The following CCDC178 variants were observed in gnomAD, a reference collection of about 807,000 sequenced individuals.
CCDC178 encodes the protein coiled-coil domain containing 178.
CCDC178 carries 126 observed loss-of-function variants against 117.4 expected under a neutral mutation model. The observed-to-expected ratio is 1.07, with a 90% confidence interval of 0.93 to 1.24. CCDC178 has a LOEUF of 1.24. Ranked by LOEUF, CCDC178 falls within the 50% of genes most tolerant of loss-of-function variation. CCDC178 has a pLI of 0.00. For synonymous variants in CCDC178, 283 were observed against 313.4 expected, an observed-to-expected ratio of 0.90 and a Z score of 1.02; for missense variants, 1,030 against 986.9, an observed-to-expected ratio of 1.04 and a Z score of -0.59.
intron 20 of CCDC178, among the ~76,000 whole-genome samples, chr18:33,112,807 T>C (rs271559): frequency 0.16 from 24,285 of 151,770 alleles, 2,725 homozygotes; most frequent in African/African-American, 0.32. Context: ...ACCACACGTA[T>C]TTATGTCCAA....
At chr18:33,421,100 C>A (rs2064018645) in intron 2 of CCDC178, among the ~76,000 whole-genome samples, 1 of 152,106 alleles carries the variant, frequency 6.6e-6, no homozygotes, top group Admixed American at 6.6e-5. Flanking sequence ...CTATAATTAA[C>A]TGAAGGAATG....
intron 20 of CCDC178, among the ~76,000 whole-genome samples, chr18:33,094,218 C>T (rs949513246): frequency 5.3e-5 from 8 of 151,954 alleles, no homozygotes; most frequent in Non-Finnish European, 1.2e-4. Flanking sequence ...TTTAAATGCC[C>T]TTGTCTTAAT....
intron 20 of CCDC178, among the ~76,000 whole-genome samples, chr18:33,156,641 C>CAAAAAAAAAAAAAAAA (rs35712594): frequency 4.0e-5 from 4 of 99,268 alleles, no homozygotes; most frequent in Admixed American, 1.2e-4. Context: ...TCCTCCCTCT[C>CAAAAAAAAAAAAAAAA]AAAAAAAAAA....
At chr18:33,173,975 C>T (rs1246007869) in intron 20 of CCDC178, among the ~76,000 whole-genome samples, 2 of 152,122 alleles carry the variant, frequency 1.3e-5, no homozygotes, top group Admixed American at 6.5e-5. Context: ...TTGTGTTAGG[C>T]CATTCTTGCA....
chr18:33,303,496 T>C (rs2062206953), intron 11 of CCDC178, among the ~76,000 whole-genome samples: 1 of 152,084 alleles, frequency 6.6e-6, no homozygotes, highest in African/African-American at 2.4e-5. Flanking sequence ...GATCTTTGGG[T>C]GATAATGATG....
chr18:33,354,640 T>C (rs1341135402), intron 7 of CCDC178, among the ~76,000 whole-genome samples: 11 of 149,224 alleles, frequency 7.4e-5, no homozygotes, highest in African/African-American at 2.7e-4. Context: ...AGACAGAGTC[T>C]CACTCTGTCG....
In CCDC178 at chr18:33,266,975, C is replaced by T. The variant is rs369246083; in HGVS notation, c.1350G>A (p.Thr450=). 1.1e-4 allele frequency: 173 copies of T among 1,596,140 alleles called. No individual in the cohort carries two copies. The highest frequency in any genetic ancestry group is 2.7e-4 in the Admixed American group (15 of 56,228). The change falls in exon 14 of 23, where the codon ACG becomes ACA. Residue 450 remains threonine, a synonymous_variant. Coordinates refer to ENST00000383096, the MANE Select transcript of CCDC178 (RefSeq NM_001105528.4). The part of the protein sequence containing the change: ...SAISLACTKL[T]EDNKKLEIDI... ...CAATCTCAAGTTTTTTATTGTCTTCCGTCAGTTTTGTACATGCCAAAGAAA... is the reference window on the plus strand; with the variant it reads ...CAATCTCAAGTTTTTTATTGTCTTCTGTCAGTTTTGTACATGCCAAAGAAA...
chr18:33,046,317 A>G (rs1598823732), intron 21 of CCDC178, among the ~76,000 whole-genome samples: 1 of 152,066 alleles, frequency 6.6e-6, no homozygotes, highest in Admixed American at 6.6e-5. Context: ...GGGACACACA[A>G]TTGCTATTTG....
intron 21 of CCDC178, among the ~76,000 whole-genome samples, chr18:33,051,935 T>C (rs940014591): frequency 6.6e-6 from 1 of 152,274 alleles, no homozygotes; most frequent in East Asian, 1.9e-4. Flanking sequence ...GGAAAGAACA[T>C]TTTGATTTTG....
At chr18:33,270,809 A>T (rs2059878432) in intron 12 of CCDC178, among the ~76,000 whole-genome samples, 1 of 151,570 alleles carries the variant, frequency 6.6e-6, no homozygotes, top group Admixed American at 6.6e-5. Context: ...AGTAATCATA[A>T]CTTTATAGGT....
In CCDC178 at chr18:33,054,428, C is replaced by A. The variant is rs878953179; in HGVS notation, c.2388+38333G>T. On this transcript the variant is annotated intron_variant, in intron 21 of 22. Transcript: ENST00000383096. ...TCTTCTTGATGCTCTACCTGCCCCC[C>A]ATACCCCAACAGGCTGCACTGTGTG... Among the ~76,000 whole-genome samples, 7 of 152,174 alleles carry A rather than the reference C, an allele frequency of 4.6e-5. 1 individual carries two copies. The highest frequency in any genetic ancestry group is 4.6e-4 in the Admixed American group (7 of 15,276).
chr18:33,274,732 TG>T (rs1265678146), intron 12 of CCDC178, among the ~76,000 whole-genome samples: 2 of 151,858 alleles, frequency 1.3e-5, no homozygotes, highest in Non-Finnish European at 2.9e-5. Flanking sequence ...TATTTTTCAA[TG>T]GGAAAAAAAT....
At chr18:33,397,602 G>A (rs1024468226) in intron 3 of CCDC178, among the ~76,000 whole-genome samples, 1 of 152,024 alleles carries the variant, frequency 6.6e-6, no homozygotes, top group Admixed American at 6.6e-5. Flanking sequence ...GGTAAGATTG[G>A]CCTTATGACA....
chr18:33,085,542 G>A (rs413161), intron 21 of CCDC178, among the ~76,000 whole-genome samples: 21,650 of 152,062 alleles, frequency 0.14, 2,396 homozygotes, highest in African/African-American at 0.31. Context: ...CAGCCTGGGC[G>A]ACAGAGAGAG....
At chr18:33,167,480 T>C (rs1426060509) in intron 20 of CCDC178, among the ~76,000 whole-genome samples, 3 of 152,302 alleles carry the variant, frequency 2.0e-5, no homozygotes, top group Middle Eastern at 6.8e-3. Flanking sequence ...CAGTATTTCA[T>C]TGTGGTTTTG....
chr18:33,139,407 A>G (rs543143484), intron 20 of CCDC178, among the ~76,000 whole-genome samples: 1 of 152,302 alleles, frequency 6.6e-6, no homozygotes, highest in Admixed American at 6.5e-5. Flanking sequence ...ATATGAGAAA[A>G]TTTGGAACTA....
At chr18:33,006,248 G>C (rs1250839324) in intron 21 of CCDC178, among the ~76,000 whole-genome samples, 1 of 151,850 alleles carries the variant, frequency 6.6e-6, no homozygotes, top group Non-Finnish European at 1.5e-5. Flanking sequence ...ATTTTAAGAG[G>C]GAAGAATTCC....
At chr18:33,279,654 A>C (rs1204251627) in intron 12 of CCDC178, among the ~76,000 whole-genome samples, 1 of 152,204 alleles carries the variant, frequency 6.6e-6, no homozygotes, top group Non-Finnish European at 1.5e-5. Context: ...AGTCAATCCT[A>C]AGCCAAAAGA....
At chr18:33,242,112 C>G (rs1358253631) in intron 15 of CCDC178, among the ~76,000 whole-genome samples, 1 of 151,778 alleles carries the variant, frequency 6.6e-6, no homozygotes, top group Non-Finnish European at 1.5e-5. Flanking sequence ...AATTAATTCA[C>G]ATATTTACAG....
Sources: allele counts gnomAD v4.1 joint callset (sites outside exome capture counted in the v4.1 genomes callset), GRCh38; gene constraint gnomAD v4.1.1; transcripts MANE v1.5; gene names NCBI Gene and HGNC (gene_info 2026-07-23, HGNC 2026-07-21).